RNF130: variants seen among roughly 807,000 people sequenced by gnomAD.
RNF130 encodes the protein ring finger protein 130, also known as E3 ubiquitin-protein ligase RNF130.
A neutral mutation model predicts 44.6 loss-of-function variants in RNF130; 21 were observed. The ratio of observed to expected loss-of-function variants is 0.47; its 90% CI spans 0.33 to 0.68. The LOEUF (loss-of-function observed/expected upper bound fraction) is 0.68, where lower values mean the gene tolerates loss of function less well. RNF130 is among the 30% of genes least tolerant of loss of function. The probability of loss-of-function intolerance (pLI) is 0.02; values close to 1 mark genes in which losing one functional copy is unlikely to be tolerated. For synonymous variants in RNF130, 214 were observed against 210.4 expected (o/e 1.02, Z -0.15); for missense variants, 479 against 560.6 (o/e 0.85, Z 1.47).
chr5:179,934,590 A>T (rs1171620205), intron 7 of RNF130, among the ~76,000 whole-genome samples: 3 of 136,460 alleles, frequency 2.2e-5, no homozygotes, highest in Non-Finnish European at 4.6e-5. Context: ...TCTGTTGCCC[A>T]GGCTGGAGTA....
chr5:180,012,815 A>C (rs1428001993), intron 3 of RNF130, among the ~76,000 whole-genome samples: 1 of 152,208 alleles, frequency 6.6e-6, no homozygotes, highest in African/African-American at 2.4e-5. Flanking sequence ...TATCTAGATA[A>C]TACTATGATA....
At chr5:180,021,338 GA>G (rs1763869540) in intron 2 of RNF130, among the ~76,000 whole-genome samples, 1 of 151,840 alleles carries the variant, frequency 6.6e-6, no homozygotes. Context: ...CTCTCCTCCG[GA>G]AAAACACCAC....
chr5:180,015,539 AAAGGAGTAGGGGAAGGAGTAGGG>A lies in RNF130; in HGVS notation c.443-2251_443-2229del, dbSNP rs1763700701. The stretch of plus-strand genomic sequence containing the variant: ...GGAAAGGAGTAGGGAAAGGAGTAGG[AAAGGAGTAGGGGAAGGAGTAGGG>A]AAGGAGTAGGGAAAGGAGTAGGGAA... On this transcript the variant is annotated intron_variant, in intron 2 of 8. Transcript: ENST00000521389. 11 of 162,384 alleles carry A rather than the reference AAAGGAGTAGGGGAAGGAGTAGGG, an allele frequency of 6.8e-5. 3 individuals are homozygous for A. Among genetic ancestry groups the A allele is most frequent in the African/African-American group, 1.2e-4 (3 of 24,634 alleles). The allele number at this position is 162,384 out of a possible 1,614,324, so 10.1% of individuals were successfully genotyped here. A position where few individuals can be genotyped will look rare whatever the true frequency, so the allele number is the denominator to read the frequency against.
At chr5:179,948,084 G>C (rs1762070924) in intron 7 of RNF130, among the ~76,000 whole-genome samples, 2 of 152,184 alleles carry the variant, frequency 1.3e-5, no homozygotes, top group African/African-American at 2.4e-5. Flanking sequence ...TGGGCTGCCT[G>C]GGTCTCATTC....
intron 1 of RNF130, among the ~76,000 whole-genome samples, chr5:180,066,567 C>T (rs1050272388): frequency 2.6e-5 from 4 of 152,152 alleles, no homozygotes; most frequent in Non-Finnish European, 4.4e-5. Context: ...TACAGCGAGA[C>T]CCTGTCTCTA....
At chr5:180,034,773 G>A (rs1224891025) in intron 2 of RNF130, among the ~76,000 whole-genome samples, 1 of 152,160 alleles carries the variant, frequency 6.6e-6, no homozygotes, top group Non-Finnish European at 1.5e-5. Flanking sequence ...TGACTATGTG[G>A]TGAGTCCTGT....
rs1582120083 is a variant in RNF130, at chr5:179,920,112, C to T, written c.*205G>A. 7.9e-6 allele frequency: 4 copies of T among 507,392 alleles called. No homozygotes were observed. The South Asian group carries it at 9.1e-5, about 12-fold the overall frequency. 31.4% of individuals were successfully genotyped at this position (507,392 alleles called of 1,614,324 possible). On this transcript the variant is annotated 3_prime_UTR_variant, in exon 8 of 8. Coordinates refer to the RNF130 transcript ENST00000522208. ...GATCAGCTTGGGCGGGTTTTCAATACCACAAGGCTCACCTGGGCAATGCTA... is the reference window on the plus strand; with the variant it reads ...GATCAGCTTGGGCGGGTTTTCAATATCACAAGGCTCACCTGGGCAATGCTA...
intron 1 of RNF130, among the ~76,000 whole-genome samples, chr5:180,067,230 G>A (rs957436855): frequency 1.3e-5 from 2 of 152,146 alleles, no homozygotes; most frequent in African/African-American, 4.8e-5. Context: ...TCCCCTCCAT[G>A]AAGGTGATTT....
At chr5:179,990,955 A>G (rs1763068706) in intron 3 of RNF130, among the ~76,000 whole-genome samples, 1 of 152,236 alleles carries the variant, frequency 6.6e-6, no homozygotes, top group Admixed American at 6.5e-5. Flanking sequence ...TTGTTATTTT[A>G]TAATATTGGA....
intron 3 of RNF130, among the ~76,000 whole-genome samples, chr5:179,996,946 ACTTTT>A (rs926810990): frequency 2.0e-5 from 3 of 152,154 alleles, no homozygotes; most frequent in African/African-American, 4.8e-5. Context: ...CAAGTGCTGG[ACTTTT>A]CTTTAATGGG....
rs944092505 is a variant in RNF130, at chr5:179,955,342, A to T, written c.*312T>A. 2 of 291,224 alleles carry T rather than the reference A, an allele frequency of 6.9e-6. No homozygotes were observed. The highest frequency in any genetic ancestry group is 4.3e-5 in the African/African-American group (2 of 46,232). 18.0% of individuals were successfully genotyped at this position (291,224 alleles called of 1,614,324 possible). On this transcript the variant is annotated 3_prime_UTR_variant, in exon 9 of 9. Transcript: ENST00000521389. The stretch of plus-strand genomic sequence containing the variant: ...AGCCAATGTGAAGACACCAATAGTA[A>T]GTGTCAATCCCTGTTCCTCTCACGG...
intron 2 of RNF130, among the ~76,000 whole-genome samples, chr5:180,032,978 ATTT>A (rs748809010): frequency 1.4e-5 from 2 of 145,482 alleles, no homozygotes; most frequent in South Asian, 2.2e-4. Context: ...ATTTATCCAG[ATTT>A]TTTTTTTTTT....
chr5:180,055,012 G>GT (rs1487266791), intron 1 of RNF130, among the ~76,000 whole-genome samples: 1 of 151,868 alleles, frequency 6.6e-6, no homozygotes, highest in Non-Finnish European at 1.5e-5. Flanking sequence ...ATGTATTTGA[G>GT]TTTTTAAAAA....
At chr5:179,958,922 C>T (rs139876429) in intron 8 of RNF130, among the ~76,000 whole-genome samples, 1 of 152,284 alleles carries the variant, frequency 6.6e-6, no homozygotes, top group East Asian at 1.9e-4. Flanking sequence ...CTCAGGTGAT[C>T]TGCCCACCTC....
intron 1 of RNF130, among the ~76,000 whole-genome samples, chr5:180,059,275 G>C: frequency 6.6e-6 from 1 of 152,232 alleles, no homozygotes; most frequent in Non-Finnish European, 1.5e-5. Flanking sequence ...CATTTCTTCA[G>C]GGACGCCTTG....
intron 7 of RNF130, among the ~76,000 whole-genome samples, chr5:179,946,601 T>G (rs1762042991): frequency 6.6e-6 from 1 of 151,318 alleles, no homozygotes; most frequent in Non-Finnish European, 1.5e-5. Context: ...TCGCCCAGGC[T>G]GGAGTGCAGT....
intron 8 of RNF130, among the ~76,000 whole-genome samples, chr5:179,962,432 T>C (rs1366759231): frequency 6.6e-6 from 1 of 152,178 alleles, no homozygotes; most frequent in Non-Finnish European, 1.5e-5. Context: ...GTAATCAGTT[T>C]GGTTATTACT....
chr5:180,034,782 G>A (rs958405934), intron 2 of RNF130, among the ~76,000 whole-genome samples: 1 of 152,152 alleles, frequency 6.6e-6, no homozygotes, highest in Non-Finnish European at 1.5e-5. Context: ...GGTGAGTCCT[G>A]TGAGTCCTCC....
intron 7 of RNF130, among the ~76,000 whole-genome samples, chr5:179,921,205 C>A (rs559037110): frequency 1.3e-5 from 2 of 152,182 alleles, no homozygotes; most frequent in Non-Finnish European, 1.5e-5. Flanking sequence ...GTGACACCGA[C>A]ACCACCATCA....
Sources: allele counts gnomAD v4.1 joint callset (sites outside exome capture counted in the v4.1 genomes callset), GRCh38; gene constraint gnomAD v4.1.1; transcripts MANE v1.5; gene names NCBI Gene and HGNC (gene_info 2026-07-23, HGNC 2026-07-21).